The following HSPA12A variants were observed in gnomAD, a reference collection of about 807,000 sequenced individuals.
HSPA12A encodes the protein heat shock protein family A (Hsp70) member 12A, also known as heat shock 70 kDa protein 12A.
A neutral mutation model predicts 69.2 loss-of-function variants in HSPA12A; 28 were observed. That is an observed-to-expected ratio of 0.40 (90% CI 0.30 to 0.55). HSPA12A has a LOEUF of 0.55. Among genes scored for constraint, HSPA12A ranks in the 20% least tolerant of loss-of-function variants. The pLI is 0.38. For synonymous variants in HSPA12A, 345 were observed against 370.5 expected, an observed-to-expected ratio of 0.93 and a Z score of 0.79; for missense variants, 686 against 900.7, an observed-to-expected ratio of 0.76 and a Z score of 3.05.
At chr10:116,790,906 G>T (rs1261739916) in intron 2 of HSPA12A, among the ~76,000 whole-genome samples, 1 of 152,096 alleles carries the variant, frequency 6.6e-6, no homozygotes, top group East Asian at 1.9e-4. Context: ...AGCCATGCTG[G>T]TCTCGAACTC....
rs1250010665 is a variant in HSPA12A, at chr10:116,742,375, C to T, written c.40+55G>A. The T allele has an allele frequency of 3.5e-6, 5 of 1,418,124 alleles. No homozygotes were observed. In the Admixed American group the frequency reaches 8.1e-5, roughly 23 times the overall value. 87.8% of individuals were successfully genotyped at this position (1,418,124 alleles called of 1,614,324 possible). Reference sequence around the variant, plus strand: ...GTGCGGAGCGTTGGGCCAAGCGCGCCTCCTCCCTCCCTGCCCCGCCAGCCG... The same window carrying T: ...GTGCGGAGCGTTGGGCCAAGCGCGCTTCCTCCCTCCCTGCCCCGCCAGCCG... On this transcript the variant is annotated intron_variant, in intron 1 of 11. Transcript: ENST00000369209.
chr10:116,697,970 G>A (rs2420330), intron 5 of HSPA12A, among the ~76,000 whole-genome samples: 48,601 of 151,928 alleles, frequency 0.32, 8,395 homozygotes, highest in African/African-American at 0.43. Flanking sequence ...TTCACATGGC[G>A]TTTTCAAGGT....
At position 116,675,411 on chromosome 10, in the gene HSPA12A, C is replaced by A; in HGVS notation, c.1398G>T (p.Leu466=). ...CGGTGGACACCTCGGGCTTCTGAAA[C>A]AGGTCCCCTGGAAGGGAAGAGGCAG... ...IDSIIEHLRD[L]FQKPEVSTVK... Residue 466 remains leucine, a synonymous_variant, in exon 12 of 12, where the codon CTG becomes CTT. Coordinates refer to ENST00000369209, the MANE Select transcript of HSPA12A (RefSeq NM_025015.3). The surrounding 1 kb of genome is among the most constrained non-coding windows in gnomAD (Gnocchi z 5.2). 6.3e-7 allele frequency: 1 copy of A among 1,589,826 alleles called. No individual in the cohort carries two copies. Among genetic ancestry groups the A allele is most frequent in the Non-Finnish European group, 8.6e-7 (1 of 1,168,320 alleles).
chr10:116,788,277 C>A (rs1844623805), intron 2 of HSPA12A, among the ~76,000 whole-genome samples: 1 of 152,158 alleles, frequency 6.6e-6, no homozygotes, highest in Non-Finnish European at 1.5e-5. Context: ...CGCCCAGGTC[C>A]ATAGGCGGGC....
At chr10:116,690,447 A>G (rs1417737811) in intron 6 of HSPA12A, among the ~76,000 whole-genome samples, 2 of 152,166 alleles carry the variant, frequency 1.3e-5, no homozygotes. Context: ...CTTTAAATCC[A>G]CTCAGCGGCT....
intron 2 of HSPA12A, among the ~76,000 whole-genome samples, chr10:116,764,734 G>A (rs545333179): frequency 8.5e-4 from 130 of 152,094 alleles, no homozygotes; most frequent in African/African-American, 3.0e-3. Flanking sequence ...AATCCAAAGG[G>A]TTTTTAAAGA....
intron 2 of HSPA12A, among the ~76,000 whole-genome samples, chr10:116,772,841 C>T (rs1844242754): frequency 6.6e-6 from 1 of 152,020 alleles, no homozygotes; most frequent in Non-Finnish European, 1.5e-5. Context: ...ACTGCAGGCA[C>T]ACACCACCAC....
chr10:116,753,744 A>C (rs1051214574), intron 2 of HSPA12A, among the ~76,000 whole-genome samples: 3 of 152,218 alleles, frequency 2.0e-5, no homozygotes, highest in Admixed American at 2.0e-4. Flanking sequence ...AAAGAATTCA[A>C]GGAAATGGGT....
chr10:116,771,453 C>G (rs1206963416), intron 2 of HSPA12A, among the ~76,000 whole-genome samples: 2 of 152,194 alleles, frequency 1.3e-5, no homozygotes, highest in African/African-American at 4.8e-5. Flanking sequence ...CCTCCGGGAG[C>G]TGAAATGGGA....
intron 1 of HSPA12A, among the ~76,000 whole-genome samples, chr10:116,719,364 G>A (rs1850705136): frequency 6.6e-6 from 1 of 152,160 alleles, no homozygotes; most frequent in Non-Finnish European, 1.5e-5. Context: ...GGGGCGTGAG[G>A]CCACACCTGC....
intron 11 of HSPA12A, among the ~76,000 whole-genome samples, chr10:116,676,179 G>A (rs1355556791): frequency 1.3e-5 from 2 of 152,212 alleles, no homozygotes; most frequent in African/African-American, 2.4e-5. Context: ...GGTGAGACAA[G>A]CTCTCAGCAG....
chr10:116,782,695 T>C (rs1554891930), intron 2 of HSPA12A, among the ~76,000 whole-genome samples: 1 of 152,174 alleles, frequency 6.6e-6, no homozygotes, highest in African/African-American at 2.4e-5. Context: ...TATCAACTGC[T>C]TTTTAAAAAC....
At chr10:116,763,128 G>A (rs781990663) in intron 2 of HSPA12A, among the ~76,000 whole-genome samples, 4 of 152,142 alleles carry the variant, frequency 2.6e-5, no homozygotes, top group Non-Finnish European at 5.9e-5. Context: ...AAGAAGTTTT[G>A]TTGCTGATGG....
chr10:116,700,898 C>A (rs1850059638), intron 4 of HSPA12A, 45 bp downstream of exon 4: 1 of 1,587,600 alleles, frequency 6.3e-7, no homozygotes, highest in Admixed American at 1.7e-5. Flanking sequence ...GGAAGCTTGG[C>A]ACTCCATTGC....
intron 2 of HSPA12A, among the ~76,000 whole-genome samples, chr10:116,777,639 C>T (rs1217778801): frequency 6.6e-6 from 1 of 152,246 alleles, no homozygotes; most frequent in Admixed American, 6.5e-5. Context: ...CACGCCACTA[C>T]GTTTCCATCC....
chr10:116,730,314 G>T (rs1851110399), intron 1 of HSPA12A, among the ~76,000 whole-genome samples: 1 of 152,202 alleles, frequency 6.6e-6, no homozygotes, highest in South Asian at 2.1e-4. Context: ...ATACTTTTGA[G>T]ATAAGGTCAC....
At position 116,673,319 on chromosome 10, in the gene HSPA12A, GA is replaced by G. The variant is rs1849137958; in HGVS notation, c.*1461del. 16 of 152,024 alleles carry G rather than the reference GA, an allele frequency of 1.1e-4. No homozygotes were observed. The highest frequency in any genetic ancestry group is 1.0e-3 in the Admixed American group (16 of 15,258). 9.4% of individuals were successfully genotyped at this position (152,024 alleles called of 1,614,324 possible). A position where few individuals can be genotyped will look rare whatever the true frequency, so the allele number is the denominator to read the frequency against. ...TTTTTCCTCCCCTGGCCCTTCCTGT[GA>G]GGGTTAAAAGGGCCATCTCCAAGCC... On this transcript the variant is annotated 3_prime_UTR_variant, in exon 12 of 12. Transcript: ENST00000369209.
At chr10:116,830,282 A>T (rs908271212) in intron 2 of HSPA12A, 15 of 152,226 alleles carry the variant, frequency 9.9e-5, no homozygotes, top group African/African-American at 3.6e-4. Flanking sequence ...AGGAATACAG[A>T]TTAACAGAGA....
Position 116,793,639 on chromosome 10 carries a change from T to A in HSPA12A, c.91+41296A>T, listed in dbSNP as rs375010256. Among the ~76,000 whole-genome samples the A allele has an allele frequency of 2.0e-5, 3 of 151,542 alleles. No homozygotes were observed. The East Asian group carries it at 5.8e-4, about 29-fold the overall frequency. On this transcript the variant is annotated intron_variant, in intron 2 of 12. Coordinates refer to the HSPA12A transcript ENST00000635765. ...AGACATCACAACAATGGCATGCAAA[T>A]CAAGAGAGGGAGAATGAAATAAAAT...
Sources: gnomAD v4.1 joint callset for allele counts (sites outside exome capture counted in the v4.1 genomes callset) on GRCh38, gnomAD v4.1.1 for gene constraint, Gnocchi (gnomAD v3.1) non-coding constraint, MANE v1.5 for transcripts, NCBI Gene and HGNC (gene_info 2026-07-23, HGNC 2026-07-21) for gene names.